The following SPATA13 variants were observed in gnomAD, a reference collection of about 807,000 sequenced individuals.
SPATA13 encodes the protein spermatogenesis-associated protein 13.
Under a neutral mutation model 104.0 loss-of-function variants are expected in SPATA13, and 50 were observed. The observed-to-expected ratio is 0.48, with a 90% CI of 0.38 to 0.61. The LOEUF is 0.61. SPATA13 is among the 20% of genes least tolerant of loss of function. The probability of loss-of-function intolerance (pLI) is 0.00; values close to 1 mark genes in which losing one functional copy is unlikely to be tolerated. For missense variants in SPATA13, 1,524 were observed against 1,690.6 expected, an observed-to-expected ratio of 0.90 and a Z score of 1.73; for synonymous variants, 606 against 667.5, an observed-to-expected ratio of 0.91 and a Z score of 1.42.
intron 1 of SPATA13, among the ~76,000 whole-genome samples, chr13:24,210,360 G>A (rs1278572514): frequency 2.0e-5 from 3 of 152,180 alleles, no homozygotes; most frequent in African/African-American, 4.8e-5. Context: ...CCAGTGTCAA[G>A]GAGCTTTTCT....
chr13:24,097,254 G>A (rs1318078915), intron 3 of SPATA13, among the ~76,000 whole-genome samples: 1 of 152,132 alleles, frequency 6.6e-6, no homozygotes, highest in African/African-American at 2.4e-5. Context: ...TAAACATGTT[G>A]CATCATCCAT....
At chr13:24,081,834 G>A (rs1209288052) in intron 3 of SPATA13, among the ~76,000 whole-genome samples, 1 of 152,178 alleles carries the variant, frequency 6.6e-6, no homozygotes, top group African/African-American at 2.4e-5. Flanking sequence ...TGTCCCCCTG[G>A]GTTAAACCCC....
chr13:24,178,969 A>G (rs952033091), intron 1 of SPATA13, among the ~76,000 whole-genome samples: 2 of 152,142 alleles, frequency 1.3e-5, no homozygotes, highest in African/African-American at 4.8e-5. Flanking sequence ...ACAACCACTC[A>G]TCTATAGTCT....
At chr13:24,245,143 G>A (rs182429449) in intron 2 of SPATA13, among the ~76,000 whole-genome samples, 5 of 152,266 alleles carry the variant, frequency 3.3e-5, no homozygotes, top group Admixed American at 2.0e-4. Context: ...AGCCCACGCC[G>A]GAGTCTGAGT....
intron 1 of SPATA13, among the ~76,000 whole-genome samples, chr13:24,168,623 T>A (rs1882839161): frequency 6.6e-6 from 1 of 152,166 alleles, no homozygotes; most frequent in Non-Finnish European, 1.5e-5. Flanking sequence ...GGTCTTACCA[T>A]TGTCACTCGC....
intron 3 of SPATA13, among the ~76,000 whole-genome samples, chr13:24,076,223 G>T (rs1471959204): frequency 6.6e-6 from 1 of 152,136 alleles, no homozygotes; most frequent in Non-Finnish European, 1.5e-5. Context: ...TTTAAGAACT[G>T]CCACAGGTGC....
intron 3 of SPATA13, among the ~76,000 whole-genome samples, chr13:24,103,248 A>G (rs73164059): frequency 0.4 from 61,293 of 151,510 alleles, 12,546 homozygotes; most frequent in Non-Finnish European, 0.42. Context: ...GGTTATTACC[A>G]GTTTATTTTC....
intron 1 of SPATA13, among the ~76,000 whole-genome samples, chr13:24,203,910 A>G (rs1441612478): frequency 6.6e-6 from 1 of 152,200 alleles, no homozygotes; most frequent in Non-Finnish European, 1.5e-5. Context: ...CTGTGTGTAT[A>G]TGCTGTGGCT....
intron 3 of SPATA13, among the ~76,000 whole-genome samples, chr13:24,116,436 G>A (rs1458923487): frequency 1.3e-5 from 2 of 152,162 alleles, no homozygotes; most frequent in Non-Finnish European, 2.9e-5. Context: ...GAAAGGCCTG[G>A]ACAGCAGCAG....
chr13:24,271,490 C>T (rs1311191955), intron 4 of SPATA13, among the ~76,000 whole-genome samples: 14 of 152,108 alleles, frequency 9.2e-5, no homozygotes, highest in East Asian at 3.9e-4. Flanking sequence ...CCTTATCTCC[C>T]GCTTTCTTTT....
At chr13:24,027,757 C>T (rs969454566) in intron 3 of SPATA13, among the ~76,000 whole-genome samples, 1 of 152,142 alleles carries the variant, frequency 6.6e-6, no homozygotes, top group Non-Finnish European at 1.5e-5. Flanking sequence ...TTGGGTAACA[C>T]CAGTATCATA....
chr13:24,057,831 G>A (rs1056361209), intron 3 of SPATA13, among the ~76,000 whole-genome samples: 14 of 151,742 alleles, frequency 9.2e-5, no homozygotes, highest in African/African-American at 2.9e-4. Context: ...GGGAGGACTA[G>A]TGAGAGGAGG....
intron 2 of SPATA13, chr13:24,224,838 G>T (rs1871840368): frequency 3.6e-6 from 2 of 548,484 alleles, no homozygotes; most frequent in Non-Finnish European, 3.4e-6. Context: ...TCATTCAAAA[G>T]ATGTTTATTG....
At chr13:24,071,445 TAAC>T (rs1262082632) in intron 3 of SPATA13, among the ~76,000 whole-genome samples, 1 of 152,222 alleles carries the variant, frequency 6.6e-6, no homozygotes, top group East Asian at 1.9e-4. Context: ...TTAACTCTCA[TAAC>T]AACTCTGTGA....
intron 3 of SPATA13, among the ~76,000 whole-genome samples, chr13:24,105,364 C>G (rs1200387081): frequency 2.0e-5 from 3 of 151,940 alleles, no homozygotes; most frequent in South Asian, 2.1e-4. Flanking sequence ...GTCTCAAACT[C>G]CTGGGCTCAA....
In SPATA13 at chr13:24,251,795, A is replaced by T. The variant is rs767022049; in HGVS notation, c.2097A>T (p.Thr699=). The T allele has an allele frequency of 6.2e-7, 1 of 1,613,946 alleles. No homozygotes were observed. The highest frequency in any genetic ancestry group is 1.7e-5 in the Admixed American group (1 of 60,004). ...TGTCGGCCCGGTTCCGGCCCTTCAC[A>T]TTCTCCCAGAGCACCCCCATTGGGT... ...KAVSARFRPF[T]FSQSTPIGLD... The change falls in exon 4 of 13, where the codon ACA becomes ACT. Residue 699 remains threonine (T), a synonymous_variant. Transcript: ENST00000382108.
Position 24,051,776 on chromosome 13 carries a change from A to G in SPATA13, c.-112+34075A>G, listed in dbSNP as rs73164010. On this transcript the variant is annotated intron_variant, in intron 3 of 14. Coordinates refer to the SPATA13 transcript ENST00000424834. This position sits in a 1 kb window ranked among gnomAD's most constrained non-coding sequence, Gnocchi z 4.2. ...GGAGTCAGAGGCAGCAGTGCTATCA[A>G]AAGTCTAGGCTGCAAGAGCCTGCTA... 0.13 allele frequency among the ~76,000 whole-genome samples: 19,466 copies of G among 152,180 alleles called. 1,291 individuals are homozygous for G. Among genetic ancestry groups the G allele is most frequent in the Non-Finnish European group, 0.14 (9,721 of 67,982 alleles).
chr13:24,101,709 C>A (rs1419210536), intron 3 of SPATA13, among the ~76,000 whole-genome samples: 1 of 152,264 alleles, frequency 6.6e-6, no homozygotes, highest in Admixed American at 6.5e-5. Flanking sequence ...GAATCACGCA[C>A]CTATATAAGT....
intron 4 of SPATA13, among the ~76,000 whole-genome samples, chr13:24,261,758 A>G (rs1302127361): frequency 2.0e-5 from 3 of 151,804 alleles, no homozygotes; most frequent in Admixed American, 2.0e-4. Flanking sequence ...AGTGGCAGGG[A>G]GGAGCTTCGT....
Sources: allele counts gnomAD v4.1 joint callset (sites outside exome capture counted in the v4.1 genomes callset), GRCh38; gene constraint gnomAD v4.1.1; non-coding constraint Gnocchi (gnomAD v3.1); transcripts MANE v1.5; gene names NCBI Gene and HGNC (gene_info 2026-07-23, HGNC 2026-07-21).